Variants in CDH23 observed in about 807,000 individuals in gnomAD.
CDH23 encodes cadherin-23.
Under a neutral mutation model 317.1 loss-of-function variants are expected in CDH23, and 189 were observed. The ratio of observed to expected loss-of-function variants is 0.60; its 90% CI spans 0.53 to 0.67. The LOEUF (loss-of-function observed/expected upper bound fraction) is 0.67. CDH23 is among the 30% of genes least tolerant of loss of function. The pLI, the probability that CDH23 is intolerant of heterozygous loss-of-function variation, is 0.00. For synonymous variants in CDH23, 1,839 were observed against 1,876.8 expected, an observed-to-expected ratio of 0.98 and a Z score of 0.52; for missense variants, 4,401 against 4,592.4, an observed-to-expected ratio of 0.96 and a Z score of 1.20.
rs780446541 is a variant in CDH23 at position 71,815,085 on chromosome 10, C to T, written c.9872C>T (p.Thr3291Met). Residue 3291 changes from threonine (T) to methionine (M), a missense_variant, in exon 70 of 70, where the codon ACG becomes ATG. Coordinates refer to ENST00000224721, the MANE Select transcript of CDH23 (RefSeq NM_022124.6). ...CATGTGGTGCACGGCAGCACGGGCACGCTGCTGGCCACCGACCTCAACAGC... is the reference window on the plus strand; with the variant it reads ...CATGTGGTGCACGGCAGCACGGGCATGCTGCTGGCCACCGACCTCAACAGC... ...GIHVVHGSTG[T>M]LLATDLNSLP... The T allele has an allele frequency of 6.8e-6, 11 of 1,611,082 alleles. No homozygotes were observed. In the East Asian group the frequency reaches 1.1e-4, roughly 16 times the overall value.
Position 71,709,138 on chromosome 10 carries a change from T to C in CDH23, c.3147T>C (p.Asp1049=), listed in dbSNP as rs755854125. 1.9e-6 allele frequency: 3 copies of C among 1,613,994 alleles called. No individual in the cohort carries two copies. The highest frequency in any genetic ancestry group is 3.3e-5 in the Admixed American group (2 of 60,034). The change falls in exon 27 of 70, where the codon GAT becomes GAC. Residue 1049 remains aspartate, a synonymous_variant. Transcript: ENST00000224721. ...GGAAGTTCAGCGTGGGTTACCGCGA[T>C]GCCGTTGTGAGAACCGTGGTGGGCC... The part of the protein sequence containing the change: ...VDGKFSVGYR[D]AVVRTVVGLD...
At chr10:71,737,656 C>T (rs879609722) in intron 34 of CDH23, 6 of 466,552 alleles carry the variant, frequency 1.3e-5, no homozygotes, top group Admixed American at 7.1e-5. Context: ...TGGGAGAAGG[C>T]CTGTCCTGGG....
intron 20 of CDH23, among the ~76,000 whole-genome samples, chr10:71,691,460 A>C (rs1279683135): frequency 6.6e-6 from 1 of 152,206 alleles, no homozygotes; most frequent in African/African-American, 2.4e-5. Context: ...CACTTCCAAT[A>C]CGCATTTCTG....
chr10:71,744,348 T>C lies in CDH23; in HGVS notation c.4845+2427T>C, dbSNP rs542863628. Among the ~76,000 whole-genome samples the C allele has an allele frequency of 2.0e-5, 3 of 151,962 alleles. No homozygotes were observed. The East Asian group carries it at 5.8e-4, about 29-fold the overall frequency. ...TAGGGTCTCTCAGGGAGACCATCGG[T>C]GGAATCCATAACATTCTAAGACCCT... is the stretch of plus-strand genomic sequence containing the variant. On this transcript the variant is annotated intron_variant, in intron 38 of 69. Transcript: ENST00000224721.
chr10:71,693,828 C>A (rs1865273251), intron 20 of CDH23, among the ~76,000 whole-genome samples: 1 of 152,188 alleles, frequency 6.6e-6, no homozygotes, highest in South Asian at 2.1e-4. Context: ...GAGCTTAAGG[C>A]CTAATGGCCC....
rs755422331 is a variant in CDH23, at chr10:71,738,646, A to G, written c.4358A>G (p.Gln1453Arg). The part of the protein sequence containing the change: ...AWDPDAGSNG[Q>R]VVFSLASGNI... ...GACCCTGATGCTGGCAGCAATGGGC[A>G]GGTGGGCCACCGAGTGAAACAGCCA... Residue 1453 changes from glutamine (Q) to arginine (R), a missense_variant and splice_region_variant, in exon 35 of 70, where the codon CAG (glutamine) becomes CGG (arginine). This residue lies in a region of CDH23 where 3,068 missense variants were observed against 3,203.3 expected (regional missense o/e 0.96). Coordinates refer to ENST00000224721, the MANE Select transcript of CDH23 (RefSeq NM_022124.6). 1.2e-6 allele frequency: 2 copies of G among 1,612,686 alleles called. No individual in the cohort carries two copies. The highest frequency in any genetic ancestry group is 1.7e-6 in the Non-Finnish European group (2 of 1,179,484).
rs889878234 is a variant in CDH23, at chr10:71,741,737, A to T, written c.4661A>T (p.Asp1554Val). Residue 1554 changes from aspartate to valine, a missense_variant, in exon 38 of 70, where the codon GAC (aspartate) becomes GTC (valine). Physicochemically the swap from Asp to Val is radical, Grantham distance 152. Around this residue, in one of 3 missense-constraint regions of CDH23, gnomAD observed 3,068 missense variants for 3,203.3 expected, o/e 0.96. Coordinates refer to ENST00000224721, the MANE Select transcript of CDH23 (RefSeq NM_022124.6). ...GTAVVQVRAT[D>V]RDIGINSVLS... ...GCTGTGGTCCAGGTGAGAGCCACTG[A>T]CCGTGACATCGGGATCAACAGTGTT... 1 of 1,612,238 alleles carries T rather than the reference A, an allele frequency of 6.2e-7. No homozygotes were observed. The highest frequency in any genetic ancestry group is 8.5e-7 in the Non-Finnish European group (1 of 1,179,168).
Position 71,704,789 on chromosome 10 carries a change from G to A in CDH23, c.2734-122G>A. ...AGTGGCCTGGCCTAAGGCTTGGAGG[G>A]GAGCAGATGTGTCTAGCTGCAGCCA... On this transcript the variant is annotated intron_variant, in intron 24 of 69. Coordinates refer to ENST00000224721, the MANE Select transcript of CDH23 (RefSeq NM_022124.6). The A allele has an allele frequency of 9.0e-6, 7 of 774,120 alleles. 1 individual carries two copies. The highest frequency in any genetic ancestry group is 2.1e-5 in the Admixed American group (1 of 47,908). 48.0% of individuals were successfully genotyped at this position (774,120 alleles called of 1,614,324 possible).
intron 28 of CDH23, among the ~76,000 whole-genome samples, chr10:71,720,041 C>G (rs1237708049): frequency 6.6e-6 from 1 of 152,226 alleles, no homozygotes; most frequent in Non-Finnish European, 1.5e-5. Context: ...ATGGCGCTCA[C>G]CTTCCCCTGT....
chr10:71,444,312 TAC>T (rs1396562141), intron 2 of CDH23, among the ~76,000 whole-genome samples: 1 of 152,272 alleles, frequency 6.6e-6, no homozygotes, highest in Non-Finnish European at 1.5e-5. Flanking sequence ...ATGGCTATTT[TAC>T]ACATGGGTAA....
rs560689447 is a variant in CDH23 at position 71,620,262 on chromosome 10, G to A, written c.1134+2869G>A. On this transcript the variant is annotated intron_variant, in intron 11 of 69. Transcript: ENST00000224721. ...CCTCACCACCAGCAGGCCAGGAAGC[G>A]TGGGGAAGGTGCCGAGTAGTTGTCT... is the stretch of plus-strand genomic sequence containing the variant. Among the ~76,000 whole-genome samples, 24 of 152,286 alleles carry A rather than the reference G, an allele frequency of 1.6e-4. No homozygotes were observed. The East Asian group carries it at 3.3e-3, about 21-fold the overall frequency.
chr10:71,653,821 T>C (rs1290951413), intron 14 of CDH23, among the ~76,000 whole-genome samples: 1 of 152,162 alleles, frequency 6.6e-6, no homozygotes. Context: ...ATAATACTTA[T>C]CCCACAATGA....
At chr10:71,550,559 C>CAAAAAAAAAAA (rs1222399834) in intron 6 of CDH23, among the ~76,000 whole-genome samples, 1 of 45,730 alleles carries the variant, frequency 2.2e-5, no homozygotes, top group African/African-American at 9.2e-5. Context: ...GACCCTGTCT[C>CAAAAAAAAAAA]AAAAAAAAAA....
intron 6 of CDH23, among the ~76,000 whole-genome samples, chr10:71,538,038 A>G (rs1160412730): frequency 6.6e-6 from 1 of 152,112 alleles, no homozygotes; most frequent in African/African-American, 2.4e-5. Context: ...CACATCACTG[A>G]GTCCATTTTA....
At chr10:71,574,719 T>C (rs1261814877) in intron 8 of CDH23, among the ~76,000 whole-genome samples, 1 of 152,100 alleles carries the variant, frequency 6.6e-6, no homozygotes, top group Non-Finnish European at 1.5e-5. Flanking sequence ...GACAAGGGCA[T>C]CTTTGGAAGG....
intron 36 of CDH23, among the ~76,000 whole-genome samples, chr10:71,740,333 C>G (rs1839699479): frequency 6.6e-6 from 1 of 152,220 alleles, no homozygotes; most frequent in Non-Finnish European, 1.5e-5. Flanking sequence ...ATCAAGGCTC[C>G]CAGGAACAGG....
intron 38 of CDH23, among the ~76,000 whole-genome samples, chr10:71,763,881 G>A (rs1471883228): frequency 6.6e-6 from 1 of 152,162 alleles, no homozygotes; most frequent in Non-Finnish European, 1.5e-5. Flanking sequence ...GTGAATGACT[G>A]ATAACAACTT....
intron 3 of CDH23, among the ~76,000 whole-genome samples, chr10:71,468,422 G>A (rs926869689): frequency 6.6e-6 from 1 of 152,080 alleles, no homozygotes; most frequent in South Asian, 2.1e-4. Context: ...AGGCTCCTTG[G>A]CTTACCAGGC....
intron 22 of CDH23, among the ~76,000 whole-genome samples, chr10:71,696,384 C>T (rs1865391844): frequency 6.6e-6 from 1 of 152,226 alleles, no homozygotes; most frequent in South Asian, 2.1e-4. Flanking sequence ...CTCAGGAACT[C>T]TCTCCTCCTC....
Sources: gnomAD v4.1 joint callset for allele counts (sites outside exome capture counted in the v4.1 genomes callset) on GRCh38, gnomAD v4.1.1 for gene constraint, gnomAD v4.1.1 regional missense constraint, MANE v1.5 for transcripts, NCBI Gene and HGNC (gene_info 2026-07-23, HGNC 2026-07-21) for gene names.